CTNNA3: variants seen among roughly 807,000 people sequenced by gnomAD.
CTNNA3 encodes the protein catenin alpha 3.
Under a neutral mutation model 95.7 loss-of-function variants are expected in CTNNA3, and 76 were observed. That is an observed-to-expected ratio of 0.79 (90% CI 0.66 to 0.96). The LOEUF (loss-of-function observed/expected upper bound fraction) is 0.96. Among genes scored for constraint, CTNNA3 ranks in the 40% least tolerant of loss-of-function variants. CTNNA3 has a pLI of 0.00. For missense variants in CTNNA3, 1,191 were observed against 1,089.8 expected, an observed-to-expected ratio of 1.09 and a Z score of -1.31; for synonymous variants, 431 against 374.4, an observed-to-expected ratio of 1.15 and a Z score of -1.74.
intron 7 of CTNNA3, among the ~76,000 whole-genome samples, chr10:67,170,603 A>G (rs1861977074): frequency 6.6e-6 from 1 of 152,116 alleles, no homozygotes; most frequent in African/African-American, 2.4e-5. Context: ...AACAGTAAAC[A>G]CTGGACTCTT....
intron 9 of CTNNA3, among the ~76,000 whole-genome samples, chr10:66,697,167 C>T (rs961125021): frequency 6.6e-6 from 1 of 151,096 alleles, no homozygotes; most frequent in African/African-American, 2.4e-5. Flanking sequence ...GAAATTTAAT[C>T]TTTTACCACT....
chr10:66,557,863 G>A (rs982536728), intron 10 of CTNNA3, among the ~76,000 whole-genome samples: 1 of 151,756 alleles, frequency 6.6e-6, no homozygotes, highest in Non-Finnish European at 1.5e-5. Context: ...CTTTTTTCCT[G>A]TTACCAATTT....
At chr10:66,739,482 C>G (rs1323417774) in intron 9 of CTNNA3, among the ~76,000 whole-genome samples, 1 of 152,054 alleles carries the variant, frequency 6.6e-6, no homozygotes, top group Non-Finnish European at 1.5e-5. Context: ...ATCCCACGAG[C>G]ATGTAAGGAA....
At chr10:66,517,035 A>G (rs1840885375) in intron 11 of CTNNA3, among the ~76,000 whole-genome samples, 1 of 152,070 alleles carries the variant, frequency 6.6e-6, no homozygotes, top group Admixed American at 6.5e-5. Context: ...AGTCTGGCCA[A>G]TACAGTGAAA....
chr10:66,284,356 A>G (rs2091547791), intron 12 of CTNNA3, among the ~76,000 whole-genome samples: 1 of 151,950 alleles, frequency 6.6e-6, no homozygotes, highest in South Asian at 2.1e-4. Context: ...AACTGAGGTC[A>G]CATAGTTAAT....
chr10:67,009,994 G>A (rs1284542575), intron 7 of CTNNA3, among the ~76,000 whole-genome samples: 1 of 152,106 alleles, frequency 6.6e-6, no homozygotes, highest in East Asian at 1.9e-4. Flanking sequence ...TCAGCTACCT[G>A]TCCTGGAGGC....
chr10:66,071,740 T>G (rs2080438491), intron 14 of CTNNA3, among the ~76,000 whole-genome samples: 1 of 152,196 alleles, frequency 6.6e-6, no homozygotes, highest in South Asian at 2.1e-4. Context: ...CCTGACAGGC[T>G]GTTTTGGACA....
At chr10:66,385,063 C>G (rs7903398) in intron 11 of CTNNA3, among the ~76,000 whole-genome samples, 2,793 of 152,142 alleles carry the variant, frequency 0.018, 85 homozygotes, top group African/African-American at 0.064. Context: ...CATTCAAAAC[C>G]TAGCAGAAGG....
At chr10:66,696,067 C>A (rs1306649976) in intron 9 of CTNNA3, among the ~76,000 whole-genome samples, 3 of 152,034 alleles carry the variant, frequency 2.0e-5, no homozygotes, top group Non-Finnish European at 2.9e-5. Context: ...TGAACAATGA[C>A]CTGAGGATTA....
At chr10:67,654,488 A>AT (rs1839964857) in intron 1 of CTNNA3, among the ~76,000 whole-genome samples, 1 of 133,320 alleles carries the variant, frequency 7.5e-6, no homozygotes, top group African/African-American at 3.0e-5. Context: ...ATGTTATTCC[A>AT]CTTTTTTTTT....
chr10:66,783,429 T>C (rs1352647480), intron 7 of CTNNA3, among the ~76,000 whole-genome samples: 1 of 152,100 alleles, frequency 6.6e-6, no homozygotes, highest in Non-Finnish European at 1.5e-5. Context: ...ATTCCAAAAC[T>C]TTTTTACTGA....
At chr10:67,239,366 A>AGAT (rs1564504494) in intron 5 of CTNNA3, among the ~76,000 whole-genome samples, 1 of 1,950 alleles carries the variant, frequency 5.1e-4, no homozygotes, top group Non-Finnish European at 1.3e-3. Flanking sequence ...TACACGTGAT[A>AGAT]AAAAAAAAAA....
At chr10:66,749,195 T>A (rs1589211682) in intron 9 of CTNNA3, among the ~76,000 whole-genome samples, 1 of 45,856 alleles carries the variant, frequency 2.2e-5, no homozygotes, top group Non-Finnish European at 3.7e-5. Flanking sequence ...ACAGGGAAAC[T>A]CCAACTCAAA....
intron 7 of CTNNA3, among the ~76,000 whole-genome samples, chr10:67,008,233 A>G (rs1852121726): frequency 1.3e-5 from 2 of 152,116 alleles, no homozygotes; most frequent in Admixed American, 1.3e-4. Context: ...GAAGAAATGA[A>G]CATATTAATG....
chr10:67,010,477 G>T (rs1246707709), intron 7 of CTNNA3, among the ~76,000 whole-genome samples: 2 of 152,046 alleles, frequency 1.3e-5, no homozygotes, highest in East Asian at 3.9e-4. Flanking sequence ...ATTATTTTTG[G>T]CTTATCACCT....
rs869148301 is a variant in CTNNA3, at chr10:67,102,357, CG to C, written c.1047+77959del. 6.1e-4 allele frequency among the ~76,000 whole-genome samples: 92 copies of C among 151,684 alleles called. No individual in the cohort carries two copies. The East Asian group carries it at 0.016, about 27-fold the overall frequency. Reference sequence around the variant, plus strand: ...ATTTAAAACCAAGCAAACACACACACGCACATCAAAGTGGTGATGAGTCTTT... The same window carrying C: ...ATTTAAAACCAAGCAAACACACACACCACATCAAAGTGGTGATGAGTCTTT... On this transcript the variant is annotated intron_variant, in intron 7 of 17. Transcript: ENST00000433211.
intron 7 of CTNNA3, among the ~76,000 whole-genome samples, chr10:66,863,014 C>T (rs1844004705): frequency 6.6e-6 from 1 of 152,064 alleles, no homozygotes; most frequent in Non-Finnish European, 1.5e-5. Flanking sequence ...TCTGCTTGAG[C>T]TGCAAGCCAG....
intron 5 of CTNNA3, among the ~76,000 whole-genome samples, chr10:67,343,761 T>G (rs1842304247): frequency 2.0e-5 from 3 of 151,864 alleles, no homozygotes. Flanking sequence ...CTTGTCTGAT[T>G]GCTCTATCTA....
At chr10:66,479,354 C>T (rs183617836) in intron 11 of CTNNA3, among the ~76,000 whole-genome samples, 1 of 152,074 alleles carries the variant, frequency 6.6e-6, no homozygotes, top group East Asian at 1.9e-4. Flanking sequence ...TGTTCTACCT[C>T]AAGAGATTTT....
Sources: allele counts gnomAD v4.1 joint callset (sites outside exome capture counted in the v4.1 genomes callset), GRCh38; gene constraint gnomAD v4.1.1; transcripts MANE v1.5; gene names NCBI Gene and HGNC (gene_info 2026-07-23, HGNC 2026-07-21).